Variants in LRRC4C observed in about 807,000 individuals in gnomAD.
The protein encoded by LRRC4C is leucine rich repeat containing 4C.
LRRC4C carries 5 observed loss-of-function variants against 33.6 expected under a neutral mutation model. That is an observed-to-expected ratio of 0.15 (90% CI 0.08 to 0.31). The LOEUF (loss-of-function observed/expected upper bound fraction) is 0.31, where lower values mean the gene tolerates loss of function less well. LRRC4C is among the 10% of genes least tolerant of loss of function. The probability of loss-of-function intolerance (pLI) is 1.00; values close to 1 mark genes in which losing one functional copy is unlikely to be tolerated. For missense variants in LRRC4C, 560 were observed against 796.7 expected (o/e 0.70, Z 3.58); for synonymous variants, 329 against 302.0 (o/e 1.09, Z -0.93).
chr11:41,214,575 C>CAAAAAAAA (rs547167050), intron 1 of LRRC4C, among the ~76,000 whole-genome samples: 79 of 34,730 alleles, frequency 2.3e-3, no homozygotes, highest in African/African-American at 6.9e-3. Flanking sequence ...ACTAAAAATA[C>CAAAAAAAA]AAAAAAAAAA....
chr11:41,242,917 A>C (rs544792493), intron 1 of LRRC4C, among the ~76,000 whole-genome samples: 1 of 152,286 alleles, frequency 6.6e-6, no homozygotes, highest in Admixed American at 6.5e-5. Context: ...CTATATTCAC[A>C]CAGCTAATTA....
chr11:40,788,397 C>G (rs1950497958), intron 2 of LRRC4C, among the ~76,000 whole-genome samples: 1 of 152,068 alleles, frequency 6.6e-6, no homozygotes, highest in Admixed American at 6.6e-5. Context: ...CAGTCTTGTC[C>G]TACCTTTGAG....
chr11:40,916,498 G>A (rs1162711948), intron 2 of LRRC4C, among the ~76,000 whole-genome samples: 1 of 152,032 alleles, frequency 6.6e-6, no homozygotes, highest in Non-Finnish European at 1.5e-5. Context: ...ATTGAACAAT[G>A]AGAACACATG....
At chr11:41,072,385 T>A (rs1468102418) in intron 1 of LRRC4C, among the ~76,000 whole-genome samples, 10 of 142,664 alleles carry the variant, frequency 7.0e-5, no homozygotes, top group Non-Finnish European at 1.3e-4. Context: ...AAAATTGTGA[T>A]CTCCATATGT....
intron 2 of LRRC4C, among the ~76,000 whole-genome samples, chr11:40,733,539 G>C (rs1234369018): frequency 6.6e-6 from 1 of 152,024 alleles, no homozygotes; most frequent in Non-Finnish European, 1.5e-5. Flanking sequence ...GAGATGTTTG[G>C]GTTTAGATAA....
At chr11:40,886,532 A>G (rs1955464922) in intron 2 of LRRC4C, among the ~76,000 whole-genome samples, 1 of 151,956 alleles carries the variant, frequency 6.6e-6, no homozygotes, top group Admixed American at 6.6e-5. Context: ...ATAGAGTAGA[A>G]ACAAAAGGGA....
In LRRC4C at chr11:40,358,658, G is replaced by A. The variant is rs527262292; in HGVS notation, c.-269-38937C>T. On this transcript the variant is annotated intron_variant, in intron 3 of 6. Coordinates refer to ENST00000528697, the MANE Select transcript of LRRC4C (RefSeq NM_001258419.2). ...ACTGATCACTGCCATGGTGCCACAG[G>A]TTTGTCTCTTTGTGTGCTTTTCATT... 9.2e-5 allele frequency among the ~76,000 whole-genome samples: 14 copies of A among 152,140 alleles called. No individual in the cohort carries two copies. In the South Asian group the frequency reaches 1.0e-3, roughly 11 times the overall value.
chr11:41,369,806 T>A (rs1415117906), intron 1 of LRRC4C, among the ~76,000 whole-genome samples: 1 of 152,164 alleles, frequency 6.6e-6, no homozygotes, highest in African/African-American at 2.4e-5. Context: ...GAGAATGGCA[T>A]AATTTCATTT....
intron 1 of LRRC4C, among the ~76,000 whole-genome samples, chr11:41,302,761 T>A (rs1432853195): frequency 6.6e-6 from 1 of 152,208 alleles, no homozygotes. Flanking sequence ...AGCCAGAGAT[T>A]CTAAGTTGTT....
At chr11:41,113,380 C>A (rs1473161355) in intron 1 of LRRC4C, among the ~76,000 whole-genome samples, 1 of 151,988 alleles carries the variant, frequency 6.6e-6, no homozygotes, top group Non-Finnish European at 1.5e-5. Flanking sequence ...CTGCCCAGCA[C>A]CGGGCTGTGA....
intron 1 of LRRC4C, among the ~76,000 whole-genome samples, chr11:41,161,775 G>A (rs903395626): frequency 5.9e-5 from 9 of 152,128 alleles, no homozygotes; most frequent in African/African-American, 2.2e-4. Flanking sequence ...TCATCGGGAT[G>A]TGATTCTACA....
intron 1 of LRRC4C, among the ~76,000 whole-genome samples, chr11:40,973,632 G>A (rs1297961933): frequency 6.6e-6 from 1 of 152,202 alleles, no homozygotes; most frequent in South Asian, 2.1e-4. Context: ...AGAAGTCCTG[G>A]TTTATTATTA....
intron 1 of LRRC4C, among the ~76,000 whole-genome samples, chr11:41,375,451 T>G (rs932808436): frequency 6.6e-6 from 1 of 152,110 alleles, no homozygotes; most frequent in Non-Finnish European, 1.5e-5. Context: ...TATAGACAAG[T>G]TGTTTTTAAG....
intron 3 of LRRC4C, among the ~76,000 whole-genome samples, chr11:40,585,629 C>G (rs988761762): frequency 8.5e-6 from 1 of 117,232 alleles, no homozygotes; most frequent in African/African-American, 3.2e-5. Context: ...CCCCTCCCCC[C>G]ACCCCACAAC....
At chr11:41,423,369 G>T (rs1441912728) in intron 1 of LRRC4C, among the ~76,000 whole-genome samples, 1 of 151,958 alleles carries the variant, frequency 6.6e-6, no homozygotes, top group Non-Finnish European at 1.5e-5. Context: ...GTGGATCACT[G>T]GTTTTTAAAC....
chr11:40,834,901 CAG>C (rs1463373693), intron 2 of LRRC4C, among the ~76,000 whole-genome samples: 16 of 84,290 alleles, frequency 1.9e-4, no homozygotes, highest in South Asian at 5.5e-4. Context: ...GACAGACAGA[CAG>C]ACAGACAGAC....
chr11:40,569,201 A>G (rs1180570064), intron 3 of LRRC4C, among the ~76,000 whole-genome samples: 1 of 152,192 alleles, frequency 6.6e-6, no homozygotes, highest in Non-Finnish European at 1.5e-5. Flanking sequence ...TAGATACTGG[A>G]CAAGTAATTA....
At chr11:41,386,070 C>T (rs1953347791) in intron 1 of LRRC4C, among the ~76,000 whole-genome samples, 1 of 151,384 alleles carries the variant, frequency 6.6e-6, no homozygotes, top group Non-Finnish European at 1.5e-5. Flanking sequence ...TTTGCTTAGA[C>T]TTTATTTGCG....
chr11:40,594,429 C>T (rs901640530), intron 3 of LRRC4C, among the ~76,000 whole-genome samples: 6 of 152,178 alleles, frequency 3.9e-5, no homozygotes, highest in Non-Finnish European at 7.4e-5. Flanking sequence ...CATTTGATTC[C>T]AGTTTTCTTT....
Sources: gnomAD v4.1 joint callset for allele counts (sites outside exome capture counted in the v4.1 genomes callset) on GRCh38, gnomAD v4.1.1 for gene constraint, MANE v1.5 for transcripts, NCBI Gene and HGNC (gene_info 2026-07-23, HGNC 2026-07-21) for gene names.